MYO1E: variants seen among roughly 807,000 people sequenced by gnomAD.
MYO1E encodes myosin IE.
A neutral mutation model predicts 151.1 loss-of-function variants in MYO1E; 68 were observed. The observed-to-expected ratio is 0.45, with a 90% CI of 0.37 to 0.55. The LOEUF (loss-of-function observed/expected upper bound fraction) is 0.55, where lower values mean the gene tolerates loss of function less well. Ranked by LOEUF, MYO1E falls within the 20% of genes least tolerant of loss-of-function variation. MYO1E has a pLI of 0.00. For synonymous variants in MYO1E, 601 were observed against 501.7 expected (o/e 1.20, Z -2.64); for missense variants, 1,363 against 1,389.3 (o/e 0.98, Z 0.30).
At chr15:59,319,411 T>C (rs1283200774) in intron 1 of MYO1E, among the ~76,000 whole-genome samples, 1 of 152,032 alleles carries the variant, frequency 6.6e-6, no homozygotes, top group African/African-American at 2.4e-5. Flanking sequence ...TTTATAATTA[T>C]TATAAAATAA....
At chr15:59,255,264 G>A (rs1400123304) in intron 4 of MYO1E, among the ~76,000 whole-genome samples, 2 of 152,006 alleles carry the variant, frequency 1.3e-5, no homozygotes, top group Non-Finnish European at 2.9e-5. Flanking sequence ...ACAGACAAAT[G>A]ACACCAGACG....
At chr15:59,273,771 T>A (rs1390498727) in intron 1 of MYO1E, among the ~76,000 whole-genome samples, 2 of 152,174 alleles carry the variant, frequency 1.3e-5, no homozygotes, top group Non-Finnish European at 2.9e-5. Flanking sequence ...TGGAAGATCC[T>A]CCCTTACCTT....
At chr15:59,239,396 T>C (rs1023254937) in intron 4 of MYO1E, among the ~76,000 whole-genome samples, 39 of 151,658 alleles carry the variant, frequency 2.6e-4, no homozygotes, top group Admixed American at 2.3e-3. Context: ...AAGTTTACAC[T>C]GTCACATTTA....
At chr15:59,231,673 A>T in intron 6 of MYO1E, 29 bp downstream of exon 6, 1 of 1,606,540 alleles carries the variant, frequency 6.2e-7, no homozygotes, top group Non-Finnish European at 8.5e-7. Context: ...CAATCAAGCG[A>T]CACTCTCTGA....
chr15:59,254,622 C>T (rs2080183576), intron 4 of MYO1E, among the ~76,000 whole-genome samples: 1 of 152,108 alleles, frequency 6.6e-6, no homozygotes, highest in Non-Finnish European at 1.5e-5. Flanking sequence ...TACAGGGACA[C>T]ATTCTACTAT....
At chr15:59,275,994 T>C (rs2080316478) in intron 1 of MYO1E, among the ~76,000 whole-genome samples, 1 of 152,170 alleles carries the variant, frequency 6.6e-6, no homozygotes, top group Admixed American at 6.5e-5. Flanking sequence ...GGGGCATTGT[T>C]ACCACGCACT....
intron 4 of MYO1E, among the ~76,000 whole-genome samples, chr15:59,241,109 G>C (rs2140360645): frequency 6.6e-6 from 1 of 152,342 alleles, no homozygotes; most frequent in Non-Finnish European, 1.5e-5. Flanking sequence ...AGCCAGGTGT[G>C]TTGCGTGTGT....
intron 1 of MYO1E, among the ~76,000 whole-genome samples, chr15:59,276,683 T>G (rs1407278895): frequency 2.0e-5 from 3 of 152,132 alleles, no homozygotes; most frequent in African/African-American, 7.2e-5. Flanking sequence ...ATTTAAGAGG[T>G]GGAACCCAAA....
At chr15:59,151,140 C>T (rs2079475962) in intron 26 of MYO1E, among the ~76,000 whole-genome samples, 1 of 151,890 alleles carries the variant, frequency 6.6e-6, no homozygotes, top group Non-Finnish European at 1.5e-5. Flanking sequence ...AACTAAGGTG[C>T]TTTCAGCTGG....
At chr15:59,156,492 A>C (rs1246433207) in intron 25 of MYO1E, among the ~76,000 whole-genome samples, 2 of 152,136 alleles carry the variant, frequency 1.3e-5, no homozygotes, top group African/African-American at 2.4e-5. Context: ...GCTGCAGCTA[A>C]TTTTTAAGAA....
Position 59,372,520 on chromosome 15 carries a change from G to A in MYO1E, c.-20C>T, listed in dbSNP as rs766873275. On this transcript the variant is annotated 5_prime_UTR_variant, in exon 1 of 28. Transcript: ENST00000288235. ...CACCATGGTGACTCGCGCCGCGGTC[G>A]CGTCTTCGCCGGGTCCCGCTGCCGG... The A allele has an allele frequency of 7.2e-6, 11 of 1,535,528 alleles. No individual in the cohort carries two copies. The Admixed American group carries it at 2.2e-4, about 30-fold the overall frequency.
intron 1 of MYO1E, among the ~76,000 whole-genome samples, chr15:59,308,334 G>A (rs1416167537): frequency 2.0e-5 from 3 of 150,574 alleles, no homozygotes; most frequent in Admixed American, 1.3e-4. Flanking sequence ...TCAGGAGTTC[G>A]AGACCAGCAT....
rs2079999253 is a variant in MYO1E, at chr15:59,227,507, C to T, written c.594G>A (p.Arg198=). Residue 198 remains arginine, a synonymous_variant, in exon 7 of 28, where the codon AGG becomes AGA. Transcript: ENST00000288235. ...KISNFLLEKS[R]VVMRNPGERS... is the part of the protein sequence containing the mutation. ...GCTCTCCTGGGTTCCTCATCACCACCCTAGATTTTTCCAGAAGGAAGTTGG... is the reference window on the plus strand; with the variant it reads ...GCTCTCCTGGGTTCCTCATCACCACTCTAGATTTTTCCAGAAGGAAGTTGG... 4 of 1,614,024 alleles carry T rather than the reference C, an allele frequency of 2.5e-6. No individual in the cohort carries two copies. Among genetic ancestry groups the T allele is most frequent in the Middle Eastern group, 3.3e-4 (2 of 6,084 alleles).
chr15:59,201,210 T>C (rs1483932977), intron 16 of MYO1E, among the ~76,000 whole-genome samples: 1 of 151,670 alleles, frequency 6.6e-6, no homozygotes, highest in African/African-American at 2.4e-5. Flanking sequence ...CGATCCTCCT[T>C]CCTTAGCCTC....
intron 2 of MYO1E, among the ~76,000 whole-genome samples, chr15:59,271,880 G>C (rs1476432562): frequency 6.6e-6 from 1 of 152,234 alleles, no homozygotes; most frequent in Non-Finnish European, 1.5e-5. Flanking sequence ...TGCATGACTA[G>C]AGCATGTCAA....
At chr15:59,212,096 C>A (rs1472461158) in intron 12 of MYO1E, among the ~76,000 whole-genome samples, 2 of 152,088 alleles carry the variant, frequency 1.3e-5, no homozygotes, top group African/African-American at 4.8e-5. Context: ...TACAATCTAG[C>A]CCCTGCCTCC....
At chr15:59,277,895 T>C (rs1567000154) in intron 1 of MYO1E, among the ~76,000 whole-genome samples, 1 of 152,242 alleles carries the variant, frequency 6.6e-6, no homozygotes, top group Non-Finnish European at 1.5e-5. Flanking sequence ...CTATAATTGT[T>C]TTGTTGGTAC....
chr15:59,302,948 G>A (rs1223142526), intron 1 of MYO1E, among the ~76,000 whole-genome samples: 2 of 152,144 alleles, frequency 1.3e-5, no homozygotes, highest in Admixed American at 6.5e-5. Context: ...AATCTCTTAG[G>A]CCAAGGCATC....
At chr15:59,343,762 C>A (rs929167980) in intron 1 of MYO1E, among the ~76,000 whole-genome samples, 5 of 151,880 alleles carry the variant, frequency 3.3e-5, no homozygotes, top group Non-Finnish European at 7.4e-5. Flanking sequence ...CTCACTAATT[C>A]TTTCTTCTGC....
Sources: allele counts gnomAD v4.1 joint callset (sites outside exome capture counted in the v4.1 genomes callset), GRCh38; gene constraint gnomAD v4.1.1; transcripts MANE v1.5; gene names NCBI Gene and HGNC (gene_info 2026-07-23, HGNC 2026-07-21).